ZNF236: variants seen among roughly 807,000 people sequenced by gnomAD.
ZNF236 encodes the protein zinc finger protein 236, also known as regulated by glucose.
In ZNF236, 50 loss-of-function variants were observed where a neutral mutation model predicts 191.2. That is an observed-to-expected ratio of 0.26 (90% CI 0.21 to 0.33). ZNF236 has a LOEUF of 0.33. ZNF236 is among the 10% of genes least tolerant of loss of function. The pLI is 1.00. For missense variants in ZNF236, 1,754 were observed against 2,374.5 expected, an observed-to-expected ratio of 0.74 and a Z score of 5.43; for synonymous variants, 907 against 928.8, an observed-to-expected ratio of 0.98 and a Z score of 0.43.
intron 7 of ZNF236, among the ~76,000 whole-genome samples, chr18:76,878,811 G>A (rs1157165703): frequency 3.3e-5 from 5 of 152,214 alleles, no homozygotes; most frequent in Admixed American, 2.0e-4. Flanking sequence ...AAGTTTTAAT[G>A]TATGCTTATG....
chr18:76,835,982 A>G (rs948665946), intron 1 of ZNF236, among the ~76,000 whole-genome samples: 1 of 151,778 alleles, frequency 6.6e-6, no homozygotes, highest in Non-Finnish European at 1.5e-5. Flanking sequence ...ATCTTGGCCC[A>G]CTGCAACCTC....
chr18:76,901,904 GT>G (rs1369617785), intron 11 of ZNF236, among the ~76,000 whole-genome samples: 1 of 152,198 alleles, frequency 6.6e-6, no homozygotes, highest in African/African-American at 2.4e-5. Context: ...TCCTTGTCCA[GT>G]TTTGGCTGCT....
intron 1 of ZNF236, among the ~76,000 whole-genome samples, chr18:76,827,467 G>C (rs567785046): frequency 2.6e-5 from 4 of 152,346 alleles, no homozygotes; most frequent in African/African-American, 9.6e-5. Context: ...TTACAGGTAT[G>C]AGCCACCGTG....
chr18:76,935,343 C>G (rs1480922063), intron 25 of ZNF236, among the ~76,000 whole-genome samples: 1 of 152,174 alleles, frequency 6.6e-6, no homozygotes, highest in Non-Finnish European at 1.5e-5. Flanking sequence ...AAATTTGGCC[C>G]TGTCTGAAGT....
At chr18:76,837,723 G>A (rs1236033951) in intron 1 of ZNF236, among the ~76,000 whole-genome samples, 1 of 152,146 alleles carries the variant, frequency 6.6e-6, no homozygotes, top group Non-Finnish European at 1.5e-5. Flanking sequence ...TTACAGGCGT[G>A]ACCCACCGCG....
At chr18:76,889,703 T>A (rs930823651) in intron 9 of ZNF236, among the ~76,000 whole-genome samples, 1 of 152,190 alleles carries the variant, frequency 6.6e-6, no homozygotes, top group Non-Finnish European at 1.5e-5. Context: ...TATATGTTTT[T>A]AAATTATTTT....
intron 26 of ZNF236, among the ~76,000 whole-genome samples, chr18:76,942,542 C>T (rs920247477): frequency 1.7e-4 from 25 of 151,442 alleles, no homozygotes; most frequent in Admixed American, 3.3e-4. Context: ...GACGGAGTCT[C>T]GCTCTGTCGC....
At chr18:76,829,813 C>G (rs932615504) in intron 1 of ZNF236, among the ~76,000 whole-genome samples, 3 of 152,234 alleles carry the variant, frequency 2.0e-5, no homozygotes, top group Non-Finnish European at 4.4e-5. Context: ...CTCGCAGTCA[C>G]AGGCCTTCCC....
Position 76,880,684 on chromosome 18 carries a change from C to A in ZNF236, c.1188+368C>A, listed in dbSNP as rs1050762017. ...ATTTGGAGACAGTCATGGGTGTTGA[C>A]AATTCTGAGAGCGTTCATACTGCCT... On this transcript the variant is annotated intron_variant, in intron 8 of 30. Coordinates refer to ENST00000320610, the MANE Select transcript of ZNF236 (RefSeq NM_001306089.2). This position sits in a 1 kb window ranked among gnomAD's most constrained non-coding sequence, Gnocchi z 5.0. Among the ~76,000 whole-genome samples the A allele has an allele frequency of 6.6e-6, 1 of 152,086 alleles. No homozygotes were observed. The highest frequency in any genetic ancestry group is 2.4e-5 in the African/African-American group (1 of 41,402).
intron 11 of ZNF236, among the ~76,000 whole-genome samples, chr18:76,901,003 G>C (rs755063931): frequency 9.2e-5 from 14 of 152,188 alleles, no homozygotes; most frequent in Non-Finnish European, 1.9e-4. Flanking sequence ...TCGCACTCCT[G>C]TGAGAATCTA....
At chr18:76,907,110 G>A (rs567539907) in intron 13 of ZNF236, among the ~76,000 whole-genome samples, 4 of 152,290 alleles carry the variant, frequency 2.6e-5, no homozygotes, top group South Asian at 2.1e-4. Context: ...AGGTGCAGGC[G>A]TGCATTTTCT....
chr18:76,930,217 A>G (rs937167343), intron 25 of ZNF236, among the ~76,000 whole-genome samples: 1 of 152,196 alleles, frequency 6.6e-6, no homozygotes, highest in African/African-American at 2.4e-5. Context: ...GCCTGTACTC[A>G]TGTTCATCAT....
chr18:76,840,067 G>T (rs1016535151), intron 1 of ZNF236, among the ~76,000 whole-genome samples: 1 of 152,084 alleles, frequency 6.6e-6, no homozygotes, highest in Non-Finnish European at 1.5e-5. Context: ...ATATGCTGTG[G>T]TTTTTTTAAA....
chr18:76,963,632 A>C (rs549365025), intron 30 of ZNF236, among the ~76,000 whole-genome samples: 2 of 152,258 alleles, frequency 1.3e-5, no homozygotes, highest in Admixed American at 1.3e-4. Flanking sequence ...CTTGTGGAAT[A>C]GTGTCAAAAG....
chr18:76,947,542 C>G lies in ZNF236; in HGVS notation c.4804C>G (p.Leu1602Val). Residue 1602 changes from leucine to valine, a missense_variant, in exon 27 of 31, where the codon CTC (leucine) becomes GTC (valine). Transcript: ENST00000320610. ...TSQGQQFPAL[L>V]TDPSLSGQGG... ...CCAGGGTCAGCAGTTCCCAGCGCTC[C>G]TCACGGATCCCTCTCTCTCGGGCCA... 1 of 1,613,970 alleles carries G rather than the reference C, an allele frequency of 6.2e-7. No homozygotes were observed. The highest frequency in any genetic ancestry group is 8.5e-7 in the Non-Finnish European group (1 of 1,179,938).
Position 76,851,906 on chromosome 18 carries a change from C to G in ZNF236, c.330C>G (p.Leu110=). The G allele has an allele frequency of 6.2e-7, 1 of 1,613,412 alleles. No individual in the cohort carries two copies. Among genetic ancestry groups the G allele is most frequent in the Non-Finnish European group, 8.5e-7 (1 of 1,179,740 alleles). The change falls in exon 3 of 31, where the codon CTC becomes CTG. Residue 110 remains leucine (L), a synonymous_variant. Transcript: ENST00000320610. ...CNKKFSRVAS[L]KAHIMLHEKE... ...AGAAATTCTCCAGAGTGGCTAGTCT[C>G]AAAGCGCATATTATGCTACATGAAA... is the stretch of plus-strand genomic sequence containing the variant.
rs749714362 is a variant in ZNF236 at position 76,956,142 on chromosome 18, C to T, written c.5072C>T (p.Pro1691Leu). ...VHGRERIHGC[P>L]VCRKAFKRAT... The stretch of plus-strand genomic sequence containing the variant: ...GGCCGGGAGCGCATCCACGGCTGCC[C>T]CGTGTGCAGGAAGGCCTTCAAGCGC... Residue 1691 changes from proline (P) to leucine (L), a missense_variant, in exon 28 of 31, where the codon CCC (proline) becomes CTC (leucine). Physicochemically the swap from Pro to Leu is moderately conservative, Grantham distance 98 (BLOSUM62 -3). Around this residue, in one of 5 missense-constraint regions of ZNF236, gnomAD observed 606 missense variants for 761.5 expected, o/e 0.80. Transcript: ENST00000320610. 2.3e-5 allele frequency: 36 copies of T among 1,564,588 alleles called. No homozygotes were observed.
rs944326650 is a variant in ZNF236, at chr18:76,956,111, G to T, written c.5041G>T (p.Val1681Leu). 1 of 1,582,114 alleles carries T rather than the reference G, an allele frequency of 6.3e-7. No individual in the cohort carries two copies. The highest frequency in any genetic ancestry group is 1.3e-5 in the African/African-American group (1 of 74,466). The change falls in exon 28 of 31, where the codon GTG (valine) becomes TTG (leucine). Residue 1681 changes from valine to leucine, a missense_variant. By Grantham distance (32) the Val-to-Leu change is conservative. Transcript: ENST00000320610. Reference sequence around the variant, plus strand: ...GGTGCTCATGCACCACAGCAAGGAGGTGCATGGCCGGGAGCGCATCCACGG... The same window carrying T: ...GGTGCTCATGCACCACAGCAAGGAGTTGCATGGCCGGGAGCGCATCCACGG... ...AAVLMHHSKE[V>L]HGRERIHGCP...
intron 26 of ZNF236, among the ~76,000 whole-genome samples, chr18:76,939,105 C>T (rs1338776674): frequency 1.3e-5 from 2 of 152,058 alleles, no homozygotes; most frequent in Non-Finnish European, 2.9e-5. Flanking sequence ...TTTGGCAAGC[C>T]GAGATGGGCT....
Sources: gnomAD v4.1 joint callset for allele counts (sites outside exome capture counted in the v4.1 genomes callset) on GRCh38, gnomAD v4.1.1 for gene constraint, gnomAD v4.1.1 regional missense constraint, Gnocchi (gnomAD v3.1) non-coding constraint, MANE v1.5 for transcripts, NCBI Gene and HGNC (gene_info 2026-07-23, HGNC 2026-07-21) for gene names.